PDZD2: variants seen among roughly 807,000 people sequenced by gnomAD.
PDZD2 encodes PDZ domain containing 2, also known as PDZ domain-containing protein 2.
In PDZD2, 90 loss-of-function variants were observed where a neutral mutation model predicts 220.7. The observed-to-expected ratio is 0.41, with a 90% CI of 0.34 to 0.49. The LOEUF is 0.49. Ranked by LOEUF, PDZD2 falls within the 20% of genes least tolerant of loss-of-function variation. The pLI, the probability that PDZD2 is intolerant of heterozygous loss-of-function variation, is 0.28. For synonymous variants in PDZD2, 1,375 were observed against 1,450.5 expected (o/e 0.95, Z 1.18); for missense variants, 3,174 against 3,608.5 (o/e 0.88, Z 3.08).
chr5:31,850,296 T>C (rs142748221), intron 2 of PDZD2, among the ~76,000 whole-genome samples: 28 of 127,152 alleles, frequency 2.2e-4, no homozygotes, highest in Non-Finnish European at 3.5e-4. Context: ...ATGTCCACAG[T>C]TGGGCATATT....
At chr5:31,753,048 T>C (rs1751101898) in intron 1 of PDZD2, among the ~76,000 whole-genome samples, 1 of 152,216 alleles carries the variant, frequency 6.6e-6, no homozygotes, top group Admixed American at 6.5e-5. Context: ...TTATGATTGG[T>C]ATTTTCAGCA....
chr5:31,962,960 TG>T (rs1192975786), intron 2 of PDZD2, among the ~76,000 whole-genome samples: 2 of 152,234 alleles, frequency 1.3e-5, no homozygotes, highest in Non-Finnish European at 2.9e-5. Context: ...TGCTTTTGGA[TG>T]CTTTCCGTTT....
At chr5:31,640,837 A>G (rs938378536) in intron 1 of PDZD2, among the ~76,000 whole-genome samples, 3 of 151,178 alleles carry the variant, frequency 2.0e-5, no homozygotes, top group Admixed American at 6.6e-5. Flanking sequence ...ATAACCACCT[A>G]GTTGTGTGAG....
chr5:31,836,228 C>CT (rs34323361), intron 2 of PDZD2, among the ~76,000 whole-genome samples: 3,009 of 122,072 alleles, frequency 0.025, 189 homozygotes, highest in African/African-American at 0.081. Context: ...ATTTTATTGG[C>CT]TTTTTTTTTT....
At position 32,110,179 on chromosome 5, in the gene PDZD2, A is replaced by AATT. The variant is rs537042992; in HGVS notation, c.*2046_*2048dup. 29 of 149,840 alleles carry AATT rather than the reference A, an allele frequency of 1.9e-4. No homozygotes were observed. The South Asian group carries it at 5.4e-3, about 28-fold the overall frequency. 9.3% of individuals were successfully genotyped at this position (149,840 alleles called of 1,614,324 possible). A position where few individuals can be genotyped will look rare whatever the true frequency, so the allele number is the denominator to read the frequency against. The stretch of plus-strand genomic sequence containing the variant: ...CACTCTTACAGCTGTGCCTAATAAT[A>AATT]ATTAATTAATAAACGCACAGCCCTA... On this transcript the variant is annotated 3_prime_UTR_variant, in exon 25 of 25. Transcript: ENST00000438447.
chr5:31,904,166 T>A (rs4867394), intron 2 of PDZD2, among the ~76,000 whole-genome samples: 84,205 of 151,510 alleles, frequency 0.56, 25,974 homozygotes, highest in Middle Eastern at 0.72. Context: ...TTATTCAACA[T>A]TAAGTTATGC....
chr5:31,721,098 G>A lies in PDZD2; in HGVS notation c.-360-77791G>A, dbSNP rs140973242. 8.9e-4 allele frequency among the ~76,000 whole-genome samples: 136 copies of A among 152,252 alleles called. 1 individual carries two copies. The highest frequency in any genetic ancestry group is 2.7e-3 in the African/African-American group (111 of 41,554). On this transcript the variant is annotated intron_variant, in intron 1 of 24. Transcript: ENST00000438447. ...AGCCCCAACAGTGAAGACCAGTAAG[G>A]GAGTTGTTAACAGACTGGCGTGGTC...
intron 2 of PDZD2, among the ~76,000 whole-genome samples, chr5:31,974,485 C>T (rs1749577049): frequency 6.6e-6 from 1 of 152,104 alleles, no homozygotes; most frequent in Admixed American, 6.5e-5. Flanking sequence ...GGGGAAAAGA[C>T]CAATTATAAA....
intron 2 of PDZD2, among the ~76,000 whole-genome samples, chr5:31,855,854 C>G (rs1561513173): frequency 6.6e-6 from 1 of 152,168 alleles, no homozygotes; most frequent in Non-Finnish European, 1.5e-5. Flanking sequence ...TGTCCTGTAG[C>G]TCCTCTCTAC....
intron 2 of PDZD2, chr5:31,848,130 C>T (rs1048456828): frequency 2.6e-5 from 8 of 304,900 alleles, no homozygotes; most frequent in Admixed American, 7.1e-5. Context: ...TTCCTCAGAG[C>T]TCAGGAGCGG....
chr5:32,051,541 TGAA>T (rs1198700540), intron 8 of PDZD2, among the ~76,000 whole-genome samples: 1 of 152,072 alleles, frequency 6.6e-6, no homozygotes, highest in Non-Finnish European at 1.5e-5. Context: ...TCTGCATCAG[TGAA>T]GAAGTTTATT....
intron 2 of PDZD2, among the ~76,000 whole-genome samples, chr5:31,861,886 C>G (rs1737739733): frequency 6.6e-6 from 1 of 151,770 alleles, no homozygotes; most frequent in Non-Finnish European, 1.5e-5. Context: ...ATTTTCCGGT[C>G]TGACTCAAGT....
At chr5:31,757,461 G>A (rs567363402) in intron 1 of PDZD2, among the ~76,000 whole-genome samples, 40 of 152,118 alleles carry the variant, frequency 2.6e-4, no homozygotes, top group African/African-American at 8.9e-4. Context: ...GCGTGGTGGC[G>A]GACACCTGTA....
At chr5:31,971,285 A>G (rs970243537) in intron 2 of PDZD2, among the ~76,000 whole-genome samples, 5 of 152,224 alleles carry the variant, frequency 3.3e-5, no homozygotes, top group African/African-American at 9.6e-5. Context: ...TTGTTGCTCC[A>G]TCCTCCAGAG....
chr5:31,862,744 C>T (rs1044515705), intron 2 of PDZD2, among the ~76,000 whole-genome samples: 1 of 150,684 alleles, frequency 6.6e-6, no homozygotes, highest in African/African-American at 2.4e-5. Context: ...TATTTTTTTT[C>T]CAAGATGGAG....
rs189686214 is a variant in PDZD2 at position 31,870,670 on chromosome 5, C to T, written c.476+70946C>T. Among the ~76,000 whole-genome samples the T allele has an allele frequency of 4.1e-3, 618 of 152,128 alleles. 5 individuals are homozygous for T. Among genetic ancestry groups the T allele is most frequent in the African/African-American group, 0.014 (595 of 41,480 alleles). On this transcript the variant is annotated intron_variant, in intron 2 of 24. Coordinates refer to ENST00000438447, the MANE Select transcript of PDZD2 (RefSeq NM_178140.4). ...TGGGAGGGCGAGGTGGGTGGATCAC[C>T]TGAGGTCAGGAGTTCGAGACCAGCC...
chr5:31,664,455 C>CACACAG (rs1306721545), intron 1 of PDZD2, among the ~76,000 whole-genome samples: 1 of 146,158 alleles, frequency 6.8e-6, no homozygotes, highest in African/African-American at 2.5e-5. Flanking sequence ...CATGCATACA[C>CACACAG]ACACACACAC....
chr5:31,860,616 C>T (rs1737608160), intron 2 of PDZD2, among the ~76,000 whole-genome samples: 1 of 152,178 alleles, frequency 6.6e-6, no homozygotes, highest in Non-Finnish European at 1.5e-5. Context: ...CAGGTGCCCA[C>T]TCGGGGCCAC....
Position 31,752,068 on chromosome 5 carries a change from G to GTTTTTTTTTTTTTTTTTTTTTTTTT in PDZD2, c.-360-46821_-360-46820insTTTTTTTTTTTTTTTTTTTTTTTTT, listed in dbSNP as rs1251840861. Among the ~76,000 whole-genome samples, 99 of 95,924 alleles carry GTTTTTTTTTTTTTTTTTTTTTTTTT rather than the reference G, an allele frequency of 1.0e-3. 28 individuals are homozygous for GTTTTTTTTTTTTTTTTTTTTTTTTT. The highest frequency in any genetic ancestry group is 1.4e-3 in the Non-Finnish European group (71 of 51,580). The allele number at this position is 95,924 out of a possible 152,430, so 62.9% of individuals were successfully genotyped here. On this transcript the variant is annotated intron_variant, in intron 1 of 24. Coordinates refer to ENST00000438447, the MANE Select transcript of PDZD2 (RefSeq NM_178140.4). Reference sequence around the variant, plus strand: ...TTTGTTTGTTTGTTTTATTGTTTTGGGTTTGTTTTTTTTTTTTTTTTTCTG... The same window carrying GTTTTTTTTTTTTTTTTTTTTTTTTT: ...TTTGTTTGTTTGTTTTATTGTTTTGGTTTTTTTTTTTTTTTTTTTTTTTTTGTTTGTTTTTTTTTTTTTTTTTCTG...
Sources: allele counts gnomAD v4.1 joint callset (sites outside exome capture counted in the v4.1 genomes callset), GRCh38; gene constraint gnomAD v4.1.1; transcripts MANE v1.5; gene names NCBI Gene and HGNC (gene_info 2026-07-23, HGNC 2026-07-21).